ATG7: variants seen among roughly 807,000 people sequenced by gnomAD.
ATG7 encodes the protein autophagy related 7, also known as ubiquitin-like modifier-activating enzyme ATG7.
Under a neutral mutation model 82.4 loss-of-function variants are expected in ATG7, and 70 were observed. The observed-to-expected ratio is 0.85, with a 90% CI of 0.70 to 1.04. The LOEUF (loss-of-function observed/expected upper bound fraction) is 1.04. ATG7 is among the 50% of genes least tolerant of loss of function. The pLI is 0.00. For synonymous variants in ATG7, 287 were observed against 313.0 expected (o/e 0.92, Z 0.88); for missense variants, 792 against 864.3 (o/e 0.92, Z 1.05).
At chr3:11,501,782 C>T (rs1440398054) in intron 20 of ATG7, among the ~76,000 whole-genome samples, 4 of 152,086 alleles carry the variant, frequency 2.6e-5, no homozygotes, top group African/African-American at 4.8e-5. Context: ...CTTCGCCTCC[C>T]GGGTTCAAGT....
chr3:11,341,753 G>T (rs779263147), intron 12 of ATG7, among the ~76,000 whole-genome samples: 3 of 152,100 alleles, frequency 2.0e-5, no homozygotes, highest in South Asian at 2.1e-4. Flanking sequence ...TGGCCTGAGC[G>T]CAGGAGATAT....
At chr3:11,503,586 A>C (rs1400004007) in intron 20 of ATG7, among the ~76,000 whole-genome samples, 1 of 151,840 alleles carries the variant, frequency 6.6e-6, no homozygotes, top group African/African-American at 2.4e-5. Flanking sequence ...ATGAAACCCC[A>C]TCTCTACTAA....
intron 20 of ATG7, chr3:11,446,505 T>C (rs1482625726): frequency 4.5e-6 from 2 of 448,862 alleles, no homozygotes; most frequent in Non-Finnish European, 8.9e-6. Context: ...TGGTTTACTT[T>C]TAGCACTAAG....
intron 20 of ATG7, among the ~76,000 whole-genome samples, chr3:11,538,062 C>A (rs570832276): frequency 6.7e-5 from 10 of 149,208 alleles, no homozygotes; most frequent in African/African-American, 2.4e-4. Context: ...CCCCTGTTGT[C>A]CAGCTGGCTA....
chr3:11,559,573 C>A, downstream of ATG7: 1 of 1,373,004 alleles, frequency 7.3e-7, no homozygotes, highest in Non-Finnish European at 9.5e-7. Flanking sequence ...CCCAGTCTGC[C>A]ACCTCCCACT....
intron 20 of ATG7, among the ~76,000 whole-genome samples, chr3:11,554,205 G>A (rs1402809914): frequency 1.3e-5 from 2 of 152,188 alleles, no homozygotes; most frequent in African/African-American, 2.4e-5. Context: ...CGGAGGACAC[G>A]CATTGAGGGA....
intron 3 of ATG7, among the ~76,000 whole-genome samples, chr3:11,298,238 G>C (rs1253717707): frequency 6.6e-6 from 1 of 151,894 alleles, no homozygotes; most frequent in Non-Finnish European, 1.5e-5. Context: ...AGGCCAATTA[G>C]GATGGTTTTC....
the ATG7 span, among the ~76,000 whole-genome samples, chr3:11,569,452 C>T: frequency 1.3e-5 from 2 of 152,232 alleles, no homozygotes; most frequent in Non-Finnish European, 2.9e-5. Flanking sequence ...AACCAACATC[C>T]TGAGGCGGCA....
At position 11,418,950 on chromosome 3, in the gene ATG7, G is replaced by C. The variant is rs749199892; in HGVS notation, c.1957-7854G>C. 2.0e-5 allele frequency among the ~76,000 whole-genome samples: 3 copies of C among 152,128 alleles called. No individual in the cohort carries two copies. In the East Asian group the frequency reaches 5.8e-4, roughly 29 times the overall value. On this transcript the variant is annotated intron_variant, in intron 19 of 20. Coordinates refer to ENST00000693202, the MANE Select transcript of ATG7 (RefSeq NM_001349232.2). ...ATGAGAACTCGCTATCGCAAGAACA[G>C]CATGGGAAACTGCCCCTCCCCCCCG...
intron 18 of ATG7, among the ~76,000 whole-genome samples, chr3:11,367,216 A>C (rs1371493147): frequency 6.6e-6 from 1 of 152,028 alleles, no homozygotes; most frequent in Non-Finnish European, 1.5e-5. Flanking sequence ...CCACGTTTCC[A>C]CAAAAACACT....
chr3:11,434,299 T>C (rs959215953), intron 20 of ATG7, among the ~76,000 whole-genome samples: 17 of 152,240 alleles, frequency 1.1e-4, no homozygotes, highest in Non-Finnish European at 2.9e-5. Context: ...GCAGAAGCTG[T>C]GGGAAACCCC....
chr3:11,430,032 A>T (rs2082730912), intron 20 of ATG7, among the ~76,000 whole-genome samples: 1 of 151,302 alleles, frequency 6.6e-6, no homozygotes, highest in African/African-American at 2.4e-5. Context: ...TTTCCTGGAG[A>T]CAAACACTGT....
At chr3:11,482,168 T>C (rs2089072188) in intron 20 of ATG7, among the ~76,000 whole-genome samples, 1 of 152,186 alleles carries the variant, frequency 6.6e-6, no homozygotes, top group South Asian at 2.1e-4. Flanking sequence ...AACTGGAAAG[T>C]TCATGAGAGA....
At chr3:11,437,993 ATAT>A (rs2083516220) in intron 20 of ATG7, among the ~76,000 whole-genome samples, 1 of 152,212 alleles carries the variant, frequency 6.6e-6, no homozygotes, top group Admixed American at 6.5e-5. Context: ...CAAGCTGGTA[ATAT>A]TATACTTAGA....
the ATG7 span, among the ~76,000 whole-genome samples, chr3:11,566,157 G>C: frequency 6.6e-6 from 1 of 152,116 alleles, no homozygotes; most frequent in African/African-American, 2.4e-5. Flanking sequence ...CACACACAAT[G>C]AATGTTACAC....
chr3:11,394,333 G>A (rs774558897), intron 19 of ATG7, among the ~76,000 whole-genome samples: 2 of 152,188 alleles, frequency 1.3e-5, no homozygotes, highest in Non-Finnish European at 2.9e-5. Flanking sequence ...ATTTAAACCA[G>A]CTCTCTTACT....
chr3:11,431,224 A>G (rs963251099), intron 20 of ATG7, among the ~76,000 whole-genome samples: 5 of 152,234 alleles, frequency 3.3e-5, no homozygotes, highest in African/African-American at 1.2e-4. Context: ...CAACATGGCG[A>G]AACCTTGTCT....
chr3:11,316,317 C>T (rs1415438705), intron 9 of ATG7, among the ~76,000 whole-genome samples: 2 of 152,168 alleles, frequency 1.3e-5, no homozygotes, highest in Non-Finnish European at 1.5e-5. Context: ...AAGCATTGCT[C>T]CAGCTAATCT....
chr3:11,379,963 T>G lies in ATG7; in HGVS notation c.1876-9T>G. 1 of 1,613,974 alleles carries G rather than the reference T, an allele frequency of 6.2e-7. No individual in the cohort carries two copies. Among genetic ancestry groups the G allele is most frequent in the Non-Finnish European group, 8.5e-7 (1 of 1,179,794 alleles). ...TTGATGTGAATTGTTTTGTTTTGTT[T>G]GTTTTTAGATCCGGGGATTTCTTTC... On this transcript the variant is annotated splice_polypyrimidine_tract_variant and intron_variant, in intron 18 of 20. Coordinates refer to ENST00000693202, the MANE Select transcript of ATG7 (RefSeq NM_001349232.2).
Sources: allele counts gnomAD v4.1 joint callset (sites outside exome capture counted in the v4.1 genomes callset), GRCh38; gene constraint gnomAD v4.1.1; transcripts MANE v1.5; gene names NCBI Gene and HGNC (gene_info 2026-07-23, HGNC 2026-07-21).